The following PTPRT variants were observed in gnomAD, a reference collection of about 807,000 sequenced individuals.
The protein encoded by PTPRT is protein tyrosine phosphatase receptor type T, also known as receptor-type tyrosine-protein phosphatase T.
PTPRT carries 56 observed loss-of-function variants against 176.8 expected under a neutral mutation model. That is an observed-to-expected ratio of 0.32 (90% confidence interval 0.26 to 0.40). The LOEUF (loss-of-function observed/expected upper bound fraction) is 0.40. PTPRT is among the 10% of genes least tolerant of loss of function. PTPRT has a pLI of 1.00. For synonymous variants in PTPRT, 783 were observed against 739.0 expected, an observed-to-expected ratio of 1.06 and a Z score of -0.96; for missense variants, 1,540 against 1,908.2, an observed-to-expected ratio of 0.81 and a Z score of 3.60.
At chr20:42,148,202 C>T (rs1253974781) in intron 17 of PTPRT, among the ~76,000 whole-genome samples, 4 of 151,322 alleles carry the variant, frequency 2.6e-5, no homozygotes, top group Non-Finnish European at 5.9e-5. Flanking sequence ...TTTTACATTC[C>T]TCTCTGAGTG....
chr20:42,605,310 G>A (rs1431472070), intron 7 of PTPRT, among the ~76,000 whole-genome samples: 1 of 148,652 alleles, frequency 6.7e-6, no homozygotes, highest in Non-Finnish European at 1.5e-5. Flanking sequence ...CCCTTGCTTA[G>A]GGGCAGGCAA....
chr20:42,308,010 T>C (rs530686272), intron 12 of PTPRT, among the ~76,000 whole-genome samples: 5 of 152,286 alleles, frequency 3.3e-5, no homozygotes, highest in South Asian at 4.2e-4. Context: ...ACCGGCACCA[T>C]GACAGTTTAT....
chr20:43,138,749 G>A lies in PTPRT; in HGVS notation c.88+50897C>T, dbSNP rs547286724. Among the ~76,000 whole-genome samples, 6 of 152,078 alleles carry A rather than the reference G, an allele frequency of 3.9e-5. No individual in the cohort carries two copies. The East Asian group carries it at 5.8e-4, about 15-fold the overall frequency. ...CTTACCCTTCCCAGCCTAGCCTCAC[G>A]CCCCACCAGTCCCCTGCCACAGCCA... On this transcript the variant is annotated intron_variant, in intron 1 of 30. Transcript: ENST00000373187.
intron 1 of PTPRT, 65 bp from the exon 2 acceptor site, chr20:42,885,997 C>G (rs1349523400): frequency 3.6e-6 from 5 of 1,376,882 alleles, no homozygotes; most frequent in Non-Finnish European, 4.8e-6. Context: ...TTACCTCTGT[C>G]TCGTCGGCTC....
intron 11 of PTPRT, among the ~76,000 whole-genome samples, chr20:42,338,815 G>A (rs1408160307): frequency 1.3e-5 from 2 of 152,150 alleles, no homozygotes; most frequent in Non-Finnish European, 2.9e-5. Flanking sequence ...GAATTCAGAG[G>A]CACACTGAAA....
chr20:42,352,809 T>C (rs1382864015), intron 9 of PTPRT, among the ~76,000 whole-genome samples: 1 of 152,216 alleles, frequency 6.6e-6, no homozygotes, highest in Non-Finnish European at 1.5e-5. Context: ...TGCATGCTTA[T>C]GTCAAAATAC....
At position 42,161,471 on chromosome 20, in the gene PTPRT, G is replaced by C. The variant is rs1343257768; in HGVS notation, c.2563C>G (p.Pro855Ala). The C allele has an allele frequency of 1.9e-6, 3 of 1,613,978 alleles. No individual in the cohort carries two copies. The highest frequency in any genetic ancestry group is 2.5e-6 in the Non-Finnish European group (3 of 1,180,010). ...IQTHPYRTCD[P>A]VEMSYPRDQF... ...TCCCGGGGGTAGCTCATCTCCACAG[G>C]GTCACAGGTGCGGTAGGGATGAGTC... Residue 855 changes from proline (P) to alanine (A), a missense_variant, in exon 17 of 31, where the codon CCT becomes GCT. By Grantham distance (27) the Pro-to-Ala change is conservative (BLOSUM62 -1). Around this residue, in one of 11 missense-constraint regions of PTPRT, gnomAD observed 255 missense variants for 250.1 expected, o/e 1.02. Coordinates refer to ENST00000373187, the MANE Select transcript of PTPRT (RefSeq NM_007050.6).
At chr20:43,181,977 ACAGT>A (rs746000181) in intron 1 of PTPRT, among the ~76,000 whole-genome samples, 25 of 152,328 alleles carry the variant, frequency 1.6e-4, no homozygotes, top group Admixed American at 8.5e-4. Context: ...AAGCATAATT[ACAGT>A]CAATCAGAGG....
chr20:42,434,260 T>C (rs749658521), intron 9 of PTPRT, among the ~76,000 whole-genome samples: 51 of 152,208 alleles, frequency 3.4e-4, no homozygotes, highest in Non-Finnish European at 7.1e-4. Context: ...CAAGCCATCA[T>C]AGCGATGTCG....
chr20:42,660,694 A>G (rs1436213680), intron 7 of PTPRT, among the ~76,000 whole-genome samples: 6 of 152,194 alleles, frequency 3.9e-5, no homozygotes, highest in Admixed American at 3.9e-4. Context: ...GGTGCCATCC[A>G]TGATTCCAGG....
chr20:42,931,031 C>T (rs1979814885), intron 1 of PTPRT, among the ~76,000 whole-genome samples: 1 of 152,240 alleles, frequency 6.6e-6, no homozygotes, highest in South Asian at 2.1e-4. Flanking sequence ...ATCTTAGCCA[C>T]CACCACCACC....
At chr20:43,142,895 T>A (rs2014059943) in intron 1 of PTPRT, among the ~76,000 whole-genome samples, 1 of 152,230 alleles carries the variant, frequency 6.6e-6, no homozygotes, top group Admixed American at 6.5e-5. Flanking sequence ...CTTTTATGAA[T>A]GAGCATGAGC....
chr20:42,871,620 G>C (rs2078847924), intron 2 of PTPRT, among the ~76,000 whole-genome samples: 1 of 152,114 alleles, frequency 6.6e-6, no homozygotes, highest in Non-Finnish European at 1.5e-5. Flanking sequence ...TCACTCTCAT[G>C]TTTAGGTCTT....
chr20:42,465,006 AATAAT>A (rs1230186723), intron 8 of PTPRT, among the ~76,000 whole-genome samples: 2 of 152,144 alleles, frequency 1.3e-5, no homozygotes, highest in African/African-American at 4.8e-5. Flanking sequence ...TGCTAAATGA[AATAAT>A]ATATGTTTTG....
At chr20:42,757,825 G>GT (rs1335673809) in intron 5 of PTPRT, among the ~76,000 whole-genome samples, 3 of 152,180 alleles carry the variant, frequency 2.0e-5, no homozygotes, top group Admixed American at 2.0e-4. Flanking sequence ...ACAGTTGCAG[G>GT]TTATGAGAAC....
intron 7 of PTPRT, among the ~76,000 whole-genome samples, chr20:42,628,716 T>C (rs1042464483): frequency 1.3e-4 from 20 of 152,168 alleles, no homozygotes; most frequent in Admixed American, 1.2e-3. Context: ...AGAGTTTATG[T>C]GTCTTGTCCA....
At position 43,103,162 on chromosome 20, in the gene PTPRT, T is replaced by C. The variant is rs919944623; in HGVS notation, c.88+86484A>G. On this transcript the variant is annotated intron_variant, in intron 1 of 30. Coordinates refer to ENST00000373187, the MANE Select transcript of PTPRT (RefSeq NM_007050.6). ...CCCCCAGATGTTCTCAGATCCCCCG[T>C]CCCCACTGGCGTTGGTGAGCACTCA... Among the ~76,000 whole-genome samples, 8 of 151,818 alleles carry C rather than the reference T, an allele frequency of 5.3e-5. No individual in the cohort carries two copies. The South Asian group carries it at 1.7e-3, about 32-fold the overall frequency.
intron 6 of PTPRT, among the ~76,000 whole-genome samples, chr20:42,745,781 C>T (rs1222734222): frequency 6.6e-6 from 1 of 152,180 alleles, no homozygotes; most frequent in Non-Finnish European, 1.5e-5. Flanking sequence ...AAAATAGTCT[C>T]ATTTATGGGC....
At chr20:42,069,181 C>G (rs1308307777), downstream of PTPRT, among the ~76,000 whole-genome samples, 3 of 152,170 alleles carry the variant, frequency 2.0e-5, no homozygotes, top group South Asian at 2.1e-4. Context: ...TAGCTGGGCC[C>G]CTTCATTTTG....
Sources: allele counts gnomAD v4.1 joint callset (sites outside exome capture counted in the v4.1 genomes callset), GRCh38; gene constraint gnomAD v4.1.1; regional missense constraint gnomAD v4.1.1; transcripts MANE v1.5; gene names NCBI Gene and HGNC (gene_info 2026-07-23, HGNC 2026-07-21).